Variants in ANKRD12 observed in about 807,000 individuals in gnomAD.
ANKRD12 encodes ankyrin repeat domain 12, also known as ankyrin repeat domain-containing protein 12.
A neutral mutation model predicts 183.4 loss-of-function variants in ANKRD12; 85 were observed. That is an observed-to-expected ratio of 0.46 (90% CI 0.39 to 0.56). The LOEUF is 0.56. Among genes scored for constraint, ANKRD12 ranks in the 20% least tolerant of loss-of-function variants. The pLI is 0.00. For missense variants in ANKRD12, 2,405 were observed against 2,357.1 expected (o/e 1.02, Z -0.42); for synonymous variants, 914 against 800.2 (o/e 1.14, Z -2.40).
chr18:9,259,432 GACAC>G (rs542258930), intron 9 of ANKRD12: 1 of 150,580 alleles, frequency 6.6e-6, no homozygotes, highest in Admixed American at 6.6e-5. Context: ...GTTTAACATA[GACAC>G]ATTTATGTGT....
At position 9,136,840 on chromosome 18, in the gene ANKRD12, G is replaced by A. The variant is rs1409413455; in HGVS notation, c.-177G>A. 2 of 152,306 alleles carry A rather than the reference G, an allele frequency of 1.3e-5. No individual in the cohort carries two copies. The highest frequency in any genetic ancestry group is 2.9e-5 in the Non-Finnish European group (2 of 68,118). The allele number at this position is 152,306 out of a possible 1,614,324, so 9.4% of individuals were successfully genotyped here. On this transcript the variant is annotated 5_prime_UTR_variant, in exon 1 of 13. Transcript: ENST00000262126. ...TGGTGAGAGACGGACCGAGACCGGA[G>A]ATGTTTTCAAGCCCGGCTCCGGCGG...
At chr18:9,218,306 C>T (rs565345327) in intron 7 of ANKRD12, among the ~76,000 whole-genome samples, 1 of 152,274 alleles carries the variant, frequency 6.6e-6, no homozygotes, top group East Asian at 1.9e-4. Flanking sequence ...TTTGCTTTTC[C>T]TCCTACCAAC....
At chr18:9,161,768 T>TAC (rs1237744477) in intron 1 of ANKRD12, among the ~76,000 whole-genome samples, 1 of 147,328 alleles carries the variant, frequency 6.8e-6, no homozygotes, top group African/African-American at 2.5e-5. Context: ...ATATATAAAA[T>TAC]ATATATATAT....
chr18:9,148,772 G>A (rs1568219770), intron 1 of ANKRD12, among the ~76,000 whole-genome samples: 1 of 152,036 alleles, frequency 6.6e-6, no homozygotes, highest in African/African-American at 2.4e-5. Flanking sequence ...CCATCTTCCA[G>A]AGTTTCACCA....
intron 8 of ANKRD12, among the ~76,000 whole-genome samples, chr18:9,232,620 C>T (rs947118485): frequency 6.6e-6 from 1 of 152,152 alleles, no homozygotes; most frequent in Non-Finnish European, 1.5e-5. Context: ...CATTGGGGAA[C>T]ACTGGGCCTC....
chr18:9,183,387 C>T (rs779890204), intron 2 of ANKRD12, among the ~76,000 whole-genome samples: 7 of 152,092 alleles, frequency 4.6e-5, no homozygotes, highest in Non-Finnish European at 7.4e-5. Flanking sequence ...CATGGAATAG[C>T]TCTTCATTTA....
chr18:9,165,357 T>C (rs993414427), intron 1 of ANKRD12, among the ~76,000 whole-genome samples: 12 of 152,190 alleles, frequency 7.9e-5, no homozygotes, highest in South Asian at 4.1e-4. Context: ...AAAATATACA[T>C]AACATAGAAT....
intron 9 of ANKRD12, among the ~76,000 whole-genome samples, chr18:9,262,474 T>C (rs1275618106): frequency 6.6e-6 from 1 of 152,212 alleles, no homozygotes; most frequent in Non-Finnish European, 1.5e-5. Flanking sequence ...TGTTTTTAAC[T>C]TAAGAGACAG....
chr18:9,279,786 A>C, intron 12 of ANKRD12, 142 bp downstream of exon 12: 1 of 563,382 alleles, frequency 1.8e-6, no homozygotes, highest in South Asian at 2.4e-5. Flanking sequence ...CACAATTGGA[A>C]AGATAAAGAC....
At chr18:9,146,556 G>A (rs890086062) in intron 1 of ANKRD12, among the ~76,000 whole-genome samples, 1 of 152,140 alleles carries the variant, frequency 6.6e-6, no homozygotes, top group Non-Finnish European at 1.5e-5. Flanking sequence ...CCAAATACAC[G>A]CTTATTCTTT....
intron 2 of ANKRD12, among the ~76,000 whole-genome samples, chr18:9,194,378 C>A (rs2034645397): frequency 6.8e-6 from 1 of 146,938 alleles, no homozygotes; most frequent in African/African-American, 2.6e-5. Context: ...TTTATTGAGA[C>A]AGAGTTTTGC....
Position 9,136,829 on chromosome 18 carries a change from C to T in ANKRD12, c.-188C>T, listed in dbSNP as rs1244463207. On this transcript the variant is annotated 5_prime_UTR_variant, in exon 1 of 13. Transcript: ENST00000262126. ...CGAGGAGGCTGTGGTGAGAGACGGA[C>T]CGAGACCGGAGATGTTTTCAAGCCC... 6.6e-6 allele frequency: 1 copy of T among 152,250 alleles called. No homozygotes were observed. The highest frequency in any genetic ancestry group is 2.4e-5 in the African/African-American group (1 of 41,452). The allele number at this position is 152,250 out of a possible 1,614,324, so 9.4% of individuals were successfully genotyped here.
rs1598800234 is a variant in ANKRD12, at chr18:9,281,364, A to G, written c.*238A>G. On this transcript the variant is annotated 3_prime_UTR_variant, in exon 13 of 13. Coordinates refer to ENST00000262126, the MANE Select transcript of ANKRD12 (RefSeq NM_015208.5). ...TTATATTGGGAAAGGTAACTATTGC[A>G]TTAGAGCATGTTGGCAGACTGGTAG... 1 of 340,398 alleles carries G rather than the reference A, an allele frequency of 2.9e-6. No homozygotes were observed. The highest frequency in any genetic ancestry group is 2.1e-5 in the African/African-American group (1 of 46,542). 21.1% of individuals were successfully genotyped at this position (340,398 alleles called of 1,614,324 possible).
At position 9,258,031 on chromosome 18, in the gene ANKRD12, A is replaced by G. The variant is rs948589074; in HGVS notation, c.4764A>G (p.Glu1588=). The change falls in exon 9 of 13, where the codon GAA becomes GAG. Residue 1588 remains glutamate (E), a synonymous_variant. Coordinates refer to ENST00000262126, the MANE Select transcript of ANKRD12 (RefSeq NM_015208.5). ...KAYTLPVLPS[E]KDFNGSDAST... ...ATACTTTACCTGTGTTACCATCAGA[A>G]AAGGACTTTAATGGAAGTGATGCCT... 2 of 1,613,720 alleles carry G rather than the reference A, an allele frequency of 1.2e-6. No individual in the cohort carries two copies. The highest frequency in any genetic ancestry group is 1.3e-5 in the African/African-American group (1 of 75,046).
chr18:9,276,330 T>C (rs750060721), intron 11 of ANKRD12, among the ~76,000 whole-genome samples: 2 of 152,166 alleles, frequency 1.3e-5, no homozygotes, highest in Non-Finnish European at 2.9e-5. Flanking sequence ...GATAATAGGG[T>C]ATATCACAGA....
At chr18:9,252,633 G>A (rs1421798227) in intron 8 of ANKRD12, among the ~76,000 whole-genome samples, 1 of 152,202 alleles carries the variant, frequency 6.6e-6, no homozygotes, top group Non-Finnish European at 1.5e-5. Flanking sequence ...GACAAACCAT[G>A]GATCTCTCAG....
intron 2 of ANKRD12, among the ~76,000 whole-genome samples, chr18:9,189,615 C>T (rs1243116031): frequency 1.3e-5 from 2 of 152,160 alleles, no homozygotes; most frequent in Non-Finnish European, 2.9e-5. Context: ...AAGTTAAAGC[C>T]AGTGCTCTTT....
chr18:9,179,667 C>T (rs2033554839), intron 1 of ANKRD12, among the ~76,000 whole-genome samples: 1 of 152,074 alleles, frequency 6.6e-6, no homozygotes, highest in African/African-American at 2.4e-5. Flanking sequence ...CTGCACGGAC[C>T]ACCATGCCCA....
chr18:9,165,058 T>C (rs2031883608), intron 1 of ANKRD12, among the ~76,000 whole-genome samples: 1 of 152,196 alleles, frequency 6.6e-6, no homozygotes, highest in Non-Finnish European at 1.5e-5. Flanking sequence ...CTTTAAGAAC[T>C]TGCTTTATGA....
Sources: gnomAD v4.1 joint callset for allele counts (sites outside exome capture counted in the v4.1 genomes callset) on GRCh38, gnomAD v4.1.1 for gene constraint, MANE v1.5 for transcripts, NCBI Gene and HGNC (gene_info 2026-07-23, HGNC 2026-07-21) for gene names.